ANKS1B: variants seen among roughly 807,000 people sequenced by gnomAD.
The protein encoded by ANKS1B is ankyrin repeat and sterile alpha motif domain-containing protein 1B.
In ANKS1B, 36 loss-of-function variants were observed where a neutral mutation model predicts 148.3. That is an observed-to-expected ratio of 0.24 (90% CI 0.19 to 0.32). The LOEUF (loss-of-function observed/expected upper bound fraction) is 0.32. Ranked by LOEUF, ANKS1B falls within the 10% of genes least tolerant of loss-of-function variation. ANKS1B has a pLI of 1.00. For missense variants in ANKS1B, 1,157 were observed against 1,542.6 expected (o/e 0.75, Z 4.19); for synonymous variants, 542 against 560.8 (o/e 0.97, Z 0.47).
chr12:98,901,773 G>T (rs1045973812), intron 17 of ANKS1B, among the ~76,000 whole-genome samples: 2 of 152,156 alleles, frequency 1.3e-5, no homozygotes, highest in East Asian at 1.9e-4. Flanking sequence ...GGAGTCCCAC[G>T]AGTTAGGCAT....
chr12:99,476,210 T>C (rs1288591471), intron 10 of ANKS1B, among the ~76,000 whole-genome samples: 1 of 152,106 alleles, frequency 6.6e-6, no homozygotes, highest in East Asian at 1.9e-4. Flanking sequence ...CTGGCCAACA[T>C]GGTGAAATCC....
At chr12:98,949,744 C>A (rs1228915013) in intron 17 of ANKS1B, 3 of 152,198 alleles carry the variant, frequency 2.0e-5, no homozygotes, top group Non-Finnish European at 2.9e-5. Context: ...GCTGTTGCTG[C>A]AGAGGCAGAG....
At chr12:99,798,439 A>AAAC (rs1555618383) in intron 4 of ANKS1B, among the ~76,000 whole-genome samples, 1 of 151,202 alleles carries the variant, frequency 6.6e-6, no homozygotes, top group African/African-American at 2.4e-5. Context: ...AAAAAAAAAA[A>AAAC]AAAACAAAAG....
At chr12:99,188,163 C>A (rs548036852) in intron 14 of ANKS1B, among the ~76,000 whole-genome samples, 136 of 152,250 alleles carry the variant, frequency 8.9e-4, no homozygotes, top group Middle Eastern at 6.8e-3. Flanking sequence ...AATATATATG[C>A]ACTCAATAGA....
chr12:98,859,455 C>T (rs545553281), intron 17 of ANKS1B, among the ~76,000 whole-genome samples: 1 of 152,184 alleles, frequency 6.6e-6, no homozygotes, highest in South Asian at 2.1e-4. Flanking sequence ...TAAAGGAAAC[C>T]TAAGAGCCAC....
intron 9 of ANKS1B, among the ~76,000 whole-genome samples, chr12:99,524,872 A>G (rs2096911335): frequency 6.6e-6 from 1 of 152,186 alleles, no homozygotes; most frequent in Admixed American, 6.5e-5. Context: ...GATCCCTCCC[A>G]CAGCATAGGA....
intron 25 of ANKS1B, among the ~76,000 whole-genome samples, chr12:98,768,786 C>T (rs1566242017): frequency 6.6e-6 from 1 of 151,710 alleles, no homozygotes; most frequent in Admixed American, 6.6e-5. Context: ...TAAGAAGCCC[C>T]GCACACTCCA....
At chr12:98,780,501 C>T (rs2153513346) in intron 24 of ANKS1B, among the ~76,000 whole-genome samples, 1 of 152,306 alleles carries the variant, frequency 6.6e-6, no homozygotes, top group Admixed American at 6.5e-5. Context: ...AAACTATTCC[C>T]ACTGTGAGGA....
At chr12:99,446,288 A>C (rs1202100202) in intron 10 of ANKS1B, among the ~76,000 whole-genome samples, 2 of 152,164 alleles carry the variant, frequency 1.3e-5, no homozygotes, top group East Asian at 3.9e-4. Flanking sequence ...AAAACTGGAG[A>C]TAAGTTTGAA....
chr12:98,969,456 A>C (rs2099881345), intron 17 of ANKS1B, among the ~76,000 whole-genome samples: 1 of 152,160 alleles, frequency 6.6e-6, no homozygotes, highest in Non-Finnish European at 1.5e-5. Context: ...TGCTTATTTT[A>C]ATGGTCTTTT....
At chr12:98,986,702 C>A (rs2099923623) in intron 17 of ANKS1B, among the ~76,000 whole-genome samples, 1 of 152,068 alleles carries the variant, frequency 6.6e-6, no homozygotes, top group Non-Finnish European at 1.5e-5. Flanking sequence ...GCAGCCTTGA[C>A]CTACCAGGCT....
chr12:99,701,294 G>A (rs2054771876), intron 8 of ANKS1B, among the ~76,000 whole-genome samples: 1 of 152,060 alleles, frequency 6.6e-6, no homozygotes, highest in South Asian at 2.1e-4. Flanking sequence ...TTATCTCTTG[G>A]AATCCAGGGA....
intron 1 of ANKS1B, among the ~76,000 whole-genome samples, chr12:99,950,930 A>C (rs942709470): frequency 6.6e-6 from 1 of 152,222 alleles, no homozygotes; most frequent in Admixed American, 6.5e-5. Flanking sequence ...GAAATCACAC[A>C]TAAGATATAA....
intron 1 of ANKS1B, among the ~76,000 whole-genome samples, chr12:99,977,642 A>G (rs969450306): frequency 5.3e-5 from 8 of 152,218 alleles, no homozygotes; most frequent in African/African-American, 1.9e-4. Flanking sequence ...TCCTACTGAC[A>G]CCAAAGAAGA....
intron 9 of ANKS1B, among the ~76,000 whole-genome samples, chr12:99,609,002 CA>C (rs1031087986): frequency 6.6e-6 from 1 of 151,818 alleles, no homozygotes; most frequent in Non-Finnish European, 1.5e-5. Context: ...TTAAGTTCAC[CA>C]AAAAGGCCAA....
chr12:99,620,881 G>A (rs1430337239), intron 9 of ANKS1B, among the ~76,000 whole-genome samples: 1 of 152,118 alleles, frequency 6.6e-6, no homozygotes, highest in Non-Finnish European at 1.5e-5. Context: ...TAGAGAGGTA[G>A]ACATCTGGAT....
intron 12 of ANKS1B, among the ~76,000 whole-genome samples, chr12:99,338,196 C>A (rs535953438): frequency 6.6e-6 from 1 of 152,222 alleles, no homozygotes; most frequent in Non-Finnish European, 1.5e-5. Flanking sequence ...CTTAGGAATC[C>A]GCTTGGTACT....
intron 12 of ANKS1B, among the ~76,000 whole-genome samples, chr12:99,336,937 T>C (rs1404647479): frequency 2.0e-5 from 3 of 152,162 alleles, no homozygotes; most frequent in African/African-American, 7.2e-5. Flanking sequence ...GGATCCTTTC[T>C]TTACATTTGG....
chr12:98,786,890 G>A (rs2098800419), intron 22 of ANKS1B, among the ~76,000 whole-genome samples: 1 of 152,182 alleles, frequency 6.6e-6, no homozygotes, highest in South Asian at 2.1e-4. Flanking sequence ...AGCACAGGCT[G>A]GGGAAGGGAT....
Sources: gnomAD v4.1 joint callset for allele counts (sites outside exome capture counted in the v4.1 genomes callset) on GRCh38, gnomAD v4.1.1 for gene constraint, MANE v1.5 for transcripts, NCBI Gene and HGNC (gene_info 2026-07-23, HGNC 2026-07-21) for gene names.